CSMD3: variants seen among roughly 807,000 people sequenced by gnomAD.
CSMD3 encodes CUB and Sushi multiple domains 3.
In CSMD3, 177 loss-of-function variants were observed where a neutral mutation model predicts 435.2. The observed-to-expected ratio is 0.41, with a 90% CI of 0.36 to 0.46. CSMD3 has a LOEUF of 0.46. CSMD3 is among the 20% of genes least tolerant of loss of function. CSMD3 has a pLI of 0.34. For missense variants in CSMD3, 4,265 were observed against 4,504.6 expected, an observed-to-expected ratio of 0.95 and a Z score of 1.52; for synonymous variants, 1,656 against 1,520.5, an observed-to-expected ratio of 1.09 and a Z score of -2.07.
chr8:112,236,192 A>C (rs11786941), intron 67 of CSMD3, among the ~76,000 whole-genome samples: 100,769 of 151,680 alleles, frequency 0.66, 35,295 homozygotes, highest in African/African-American at 0.89. Context: ...TTTTATTTTC[A>C]ATTTTTTACA....
At chr8:113,048,770 T>C (rs1349692058) in intron 5 of CSMD3, among the ~76,000 whole-genome samples, 2 of 152,160 alleles carry the variant, frequency 1.3e-5, no homozygotes, top group Non-Finnish European at 2.9e-5. Context: ...TCTTTTCCCT[T>C]GTCCTGTGTC....
At chr8:113,225,561 G>T (rs570616145) in intron 3 of CSMD3, among the ~76,000 whole-genome samples, 1 of 150,998 alleles carries the variant, frequency 6.6e-6, no homozygotes, top group African/African-American at 2.4e-5. Flanking sequence ...AATGACGAGA[G>T]AAAAAAAATT....
intron 4 of CSMD3, among the ~76,000 whole-genome samples, chr8:113,111,138 G>A (rs896686939): frequency 6.6e-6 from 1 of 152,090 alleles, no homozygotes; most frequent in Non-Finnish European, 1.5e-5. Flanking sequence ...CATGGGACAA[G>A]GGAAAAAGAC....
At chr8:113,305,661 T>C (rs2093814328) in intron 2 of CSMD3, among the ~76,000 whole-genome samples, 1 of 152,232 alleles carries the variant, frequency 6.6e-6, no homozygotes, top group Admixed American at 6.5e-5. Context: ...TAGTTGTGTA[T>C]ACTCTGGAAT....
chr8:113,034,060 T>C (rs1351292276), intron 5 of CSMD3, among the ~76,000 whole-genome samples: 2 of 151,598 alleles, frequency 1.3e-5, no homozygotes, highest in Non-Finnish European at 2.9e-5. Context: ...CCCCATCCCC[T>C]CACATCCATG....
chr8:113,246,642 T>C (rs2093279062), intron 3 of CSMD3, among the ~76,000 whole-genome samples: 1 of 152,184 alleles, frequency 6.6e-6, no homozygotes, highest in African/African-American at 2.4e-5. Context: ...ATTTCCATTA[T>C]AACTTGCAGT....
At chr8:112,506,650 A>G in intron 29 of CSMD3, 41 bp downstream of exon 29, 1 of 1,602,408 alleles carries the variant, frequency 6.2e-7, no homozygotes, top group Non-Finnish European at 8.6e-7. Context: ...TGGCCTAACA[A>G]TATATTTTTT....
chr8:113,333,333 A>T (rs1260653975), intron 1 of CSMD3, among the ~76,000 whole-genome samples: 1 of 151,818 alleles, frequency 6.6e-6, no homozygotes, highest in African/African-American at 2.4e-5. Flanking sequence ...GCTTTGCTAT[A>T]AAGACTAATT....
chr8:112,892,661 C>T (rs1313182883), intron 10 of CSMD3, among the ~76,000 whole-genome samples: 1 of 151,484 alleles, frequency 6.6e-6, no homozygotes, highest in Non-Finnish European at 1.5e-5. Flanking sequence ...AATACAGCTT[C>T]CTCAGATATG....
intron 35 of CSMD3, among the ~76,000 whole-genome samples, chr8:112,396,980 T>C (rs1251116781): frequency 6.6e-6 from 1 of 152,132 alleles, no homozygotes; most frequent in Non-Finnish European, 1.5e-5. Flanking sequence ...GGCAGATGTT[T>C]TATGCAGTTA....
chr8:112,642,912 G>A (rs1245328485), intron 20 of CSMD3, among the ~76,000 whole-genome samples: 2 of 152,164 alleles, frequency 1.3e-5, no homozygotes, highest in African/African-American at 4.8e-5. Flanking sequence ...GTGTTACACT[G>A]TGCCATGATG....
intron 11 of CSMD3, among the ~76,000 whole-genome samples, chr8:112,834,431 G>A (rs2079965401): frequency 6.6e-6 from 1 of 151,754 alleles, no homozygotes; most frequent in East Asian, 1.9e-4. Context: ...TGCCTTATTT[G>A]AAGCCATTAA....
At chr8:113,092,743 G>C (rs1230787358) in intron 5 of CSMD3, among the ~76,000 whole-genome samples, 1 of 152,026 alleles carries the variant, frequency 6.6e-6, no homozygotes, top group East Asian at 1.9e-4. Context: ...AAGTAGAACA[G>C]TCAAATAAAT....
intron 23 of CSMD3, among the ~76,000 whole-genome samples, chr8:112,574,984 G>A (rs1006558284): frequency 1.3e-5 from 2 of 151,766 alleles, no homozygotes; most frequent in African/African-American, 4.8e-5. Flanking sequence ...GATGTTTTAG[G>A]TGGTACACAA....
intron 6 of CSMD3, among the ~76,000 whole-genome samples, chr8:113,014,775 T>C (rs1230452523): frequency 6.6e-6 from 1 of 152,140 alleles, no homozygotes; most frequent in African/African-American, 2.4e-5. Flanking sequence ...AGTGGGAAAT[T>C]AATGACTTAA....
In CSMD3 at chr8:112,664,742, A is replaced by AACAC. The variant is rs561631330; in HGVS notation, c.2816+1531_2816+1534dup. Among the ~76,000 whole-genome samples the AACAC allele has an allele frequency of 3.7e-4, 57 of 152,068 alleles. 1 individual carries two copies. The East Asian group carries it at 0.011, about 29-fold the overall frequency. The stretch of plus-strand genomic sequence containing the variant: ...CAATGTAACTGGTGTCCAGGACATA[A>AACAC]ACACACACACACAGAAAATCACGTG... On this transcript the variant is annotated intron_variant, in intron 17 of 70. Coordinates refer to ENST00000297405, the MANE Select transcript of CSMD3 (RefSeq NM_198123.2).
intron 3 of CSMD3, among the ~76,000 whole-genome samples, chr8:113,246,415 G>A (rs1051113608): frequency 2.0e-5 from 3 of 151,732 alleles, no homozygotes; most frequent in Non-Finnish European, 4.4e-5. Flanking sequence ...ATTTCTATGT[G>A]GTTCTTTTTT....
chr8:112,517,365 T>A (rs1823785714), intron 27 of CSMD3, 140 bp from the exon 28 acceptor site: 1 of 624,694 alleles, frequency 1.6e-6, no homozygotes, highest in African/African-American at 1.8e-5. Flanking sequence ...TCTCCATATT[T>A]TAAATAATTT....
At chr8:112,658,766 T>C (rs892094537) in intron 17 of CSMD3, among the ~76,000 whole-genome samples, 18 of 152,144 alleles carry the variant, frequency 1.2e-4, no homozygotes, top group African/African-American at 4.3e-4. Flanking sequence ...GAGACCAGCC[T>C]GGCCAACATG....
Sources: gnomAD v4.1 joint callset for allele counts (sites outside exome capture counted in the v4.1 genomes callset) on GRCh38, gnomAD v4.1.1 for gene constraint, MANE v1.5 for transcripts, NCBI Gene and HGNC (gene_info 2026-07-23, HGNC 2026-07-21) for gene names.